ZMPSTE24: variants seen among roughly 807,000 people sequenced by gnomAD.
ZMPSTE24 encodes zinc metallopeptidase STE24.
Under a neutral mutation model 56.7 loss-of-function variants are expected in ZMPSTE24, and 48 were observed. The observed-to-expected ratio is 0.85, with a 90% confidence interval of 0.67 to 1.08. The LOEUF (loss-of-function observed/expected upper bound fraction) is 1.08. Ranked by LOEUF, ZMPSTE24 falls within the 50% of genes least tolerant of loss-of-function variation. ZMPSTE24 has a pLI of 0.00. For synonymous variants in ZMPSTE24, 172 were observed against 195.2 expected, an observed-to-expected ratio of 0.88 and a Z score of 0.99; for missense variants, 503 against 548.7, an observed-to-expected ratio of 0.92 and a Z score of 0.83.
chr1:40,267,660 G>T, intron 2 of ZMPSTE24, 126 bp from the exon 3 acceptor site: 1 of 730,350 alleles, frequency 1.4e-6, no homozygotes, highest in Non-Finnish European at 2.4e-6. Flanking sequence ...ATGAGCCACC[G>T]TACTGGCCTC....
rs1643856744 is a variant in ZMPSTE24, at chr1:40,292,722, C to A, written c.*53C>A. 2 of 1,546,496 alleles carry A rather than the reference C, an allele frequency of 1.3e-6. No individual in the cohort carries two copies. The highest frequency in any genetic ancestry group is 4.5e-5 in the East Asian group (2 of 44,496). Reference sequence around the variant, plus strand: ...TTTCTGATTATTTCTGTCCTGGCAGCATGTTCCAGCTCTTGATGTTTTTAA... The same window carrying A: ...TTTCTGATTATTTCTGTCCTGGCAGAATGTTCCAGCTCTTGATGTTTTTAA... On this transcript the variant is annotated 3_prime_UTR_variant, in exon 10 of 10. Transcript: ENST00000372759.
intron 6 of ZMPSTE24, among the ~76,000 whole-genome samples, chr1:40,274,565 CA>C (rs1357983766): frequency 6.6e-6 from 1 of 152,130 alleles, no homozygotes; most frequent in East Asian, 1.9e-4. Flanking sequence ...GTGGCTGCAC[CA>C]TAGCAGGAGA....
intron 7 of ZMPSTE24, among the ~76,000 whole-genome samples, chr1:40,284,716 C>T (rs967463969): frequency 6.6e-6 from 1 of 152,206 alleles, no homozygotes; most frequent in African/African-American, 2.4e-5. Context: ...CGTGCCGTTG[C>T]ACTCCAGCTT....
chr1:40,265,064 A>G (rs1034013273), intron 2 of ZMPSTE24, among the ~76,000 whole-genome samples: 2 of 152,074 alleles, frequency 1.3e-5, no homozygotes, highest in African/African-American at 4.8e-5. Context: ...GAAACTAAAC[A>G]TGCTTTGTTT....
At chr1:40,273,617 C>T (rs1212000105) in intron 6 of ZMPSTE24, among the ~76,000 whole-genome samples, 2 of 134,254 alleles carry the variant, frequency 1.5e-5, no homozygotes, top group African/African-American at 5.6e-5. Context: ...ACTAAAGGCA[C>T]GATTGGAGTA....
intron 6 of ZMPSTE24, 129 bp downstream of exon 6, chr1:40,272,164 G>T (rs1005967740): frequency 2.2e-5 from 24 of 1,081,560 alleles, no homozygotes; most frequent in Non-Finnish European, 2.9e-5. Flanking sequence ...TTATTTAAAG[G>T]CTAGGAGTTT....
chr1:40,283,910 C>T (rs1055727959), intron 7 of ZMPSTE24, among the ~76,000 whole-genome samples: 41 of 151,122 alleles, frequency 2.7e-4, no homozygotes, highest in Non-Finnish European at 6.0e-4. Flanking sequence ...TCATCATCTT[C>T]CAATCCTTTA....
chr1:40,266,056 T>C (rs1006646624), intron 2 of ZMPSTE24, among the ~76,000 whole-genome samples: 3 of 152,220 alleles, frequency 2.0e-5, no homozygotes, highest in Non-Finnish European at 4.4e-5. Flanking sequence ...AAGTCCACCA[T>C]GGATGGATCT....
rs1488432641 is a variant in ZMPSTE24 at position 40,281,516 on chromosome 1, G to C, written c.943G>C (p.Ala315Pro). The stretch of plus-strand genomic sequence containing the variant: ...AGAAGGGAACAGTGAAGAAATAAAA[G>C]CTAAAGTTAAAGTGAGTTATTTTTT... ...EEEGNSEEIKAKVKNKKQGCK... is the reference protein window; with the variant it reads ...EEEGNSEEIKPKVKNKKQGCK... The change falls in exon 7 of 10, where the codon GCT becomes CCT. Residue 315 changes from alanine to proline, a missense_variant. Physicochemically the swap from Ala to Pro is conservative, Grantham distance 27 (BLOSUM62 -1). Coordinates refer to ENST00000372759, the MANE Select transcript of ZMPSTE24 (RefSeq NM_005857.5). 1 of 1,613,994 alleles carries C rather than the reference G, an allele frequency of 6.2e-7. No homozygotes were observed. Among genetic ancestry groups the C allele is most frequent in the South Asian group, 1.1e-5 (1 of 91,076 alleles).
chr1:40,279,651 C>A (rs144946471), intron 6 of ZMPSTE24, among the ~76,000 whole-genome samples: 424 of 152,204 alleles, frequency 2.8e-3, no homozygotes, highest in African/African-American at 9.6e-3. Flanking sequence ...ACTTCATAGC[C>A]CAATTTGTTC....
rs1643728689 is a variant in ZMPSTE24 at position 40,281,435 on chromosome 1, T to G, written c.862T>G (p.Ser288Ala). The change falls in exon 7 of 10, where the codon TCT becomes GCT. Residue 288 changes from serine to alanine, a missense_variant. Coordinates refer to ENST00000372759, the MANE Select transcript of ZMPSTE24 (RefSeq NM_005857.5). ...VLFDTLLEEY[S>A]VLNKDIQEDS... Reference sequence around the variant, plus strand: ...GTTTGACACTCTACTAGAAGAGTACTCTGTACTAAACAAAGACATCCAGGA... The same window carrying G: ...GTTTGACACTCTACTAGAAGAGTACGCTGTACTAAACAAAGACATCCAGGA... 6.2e-7 allele frequency: 1 copy of G among 1,613,920 alleles called. No individual in the cohort carries two copies.
intron 6 of ZMPSTE24, 34 bp downstream of exon 6, chr1:40,272,069 A>G: frequency 6.4e-7 from 1 of 1,565,026 alleles, no homozygotes; most frequent in South Asian, 1.2e-5. Context: ...AGTTTTATCC[A>G]AGTGGTTTGT....
At chr1:40,264,256 C>T (rs1250607945) in intron 2 of ZMPSTE24, among the ~76,000 whole-genome samples, 4 of 152,296 alleles carry the variant, frequency 2.6e-5, no homozygotes, top group East Asian at 3.9e-4. Context: ...ATTGCTTGAA[C>T]CCGGGAGGTG....
intron 8 of ZMPSTE24, among the ~76,000 whole-genome samples, chr1:40,289,117 G>A (rs1312722337): frequency 6.6e-6 from 1 of 152,236 alleles, no homozygotes; most frequent in African/African-American, 2.4e-5. Flanking sequence ...ATGAGTAAGG[G>A]TTGGTTGAGG....
intron 6 of ZMPSTE24, among the ~76,000 whole-genome samples, chr1:40,276,539 C>T (rs939925142): frequency 6.6e-6 from 1 of 152,190 alleles, no homozygotes; most frequent in South Asian, 2.1e-4. Context: ...CAAAAAATGG[C>T]AATGCCTTAC....
chr1:40,278,463 C>T (rs1643692874), intron 6 of ZMPSTE24, among the ~76,000 whole-genome samples: 3 of 138,514 alleles, frequency 2.2e-5, no homozygotes, highest in African/African-American at 5.4e-5. Flanking sequence ...GAGGCTGAGG[C>T]AGGAGAATGG....
intron 8 of ZMPSTE24, chr1:40,290,495 C>G (rs1417058029): frequency 1.1e-5 from 1 of 94,770 alleles, no homozygotes; most frequent in African/African-American, 4.5e-5. Flanking sequence ...GAGTCTCACT[C>G]TGTTGCCCAG....
intron 7 of ZMPSTE24, 111 bp downstream of exon 7, chr1:40,281,638 T>C: frequency 2.6e-6 from 3 of 1,166,220 alleles, no homozygotes; most frequent in Non-Finnish European, 3.7e-6. Context: ...AGGGAGACTA[T>C]CAGATGAAAA....
chr1:40,273,532 AAAAAAATATAT>A (rs1643633763), intron 6 of ZMPSTE24, among the ~76,000 whole-genome samples: 1 of 81,478 alleles, frequency 1.2e-5, no homozygotes, highest in East Asian at 3.4e-4. Flanking sequence ...AAAAAAAAAA[AAAAAAATATAT>A]ATATATATAT....
Sources: allele counts gnomAD v4.1 joint callset (sites outside exome capture counted in the v4.1 genomes callset), GRCh38; gene constraint gnomAD v4.1.1; transcripts MANE v1.5; gene names NCBI Gene and HGNC (gene_info 2026-07-23, HGNC 2026-07-21).